MLPH: variants seen among roughly 807,000 people sequenced by gnomAD.
MLPH encodes exophilin-3.
MLPH carries 51 observed loss-of-function variants against 72.1 expected under a neutral mutation model. That is an observed-to-expected ratio of 0.71 (90% confidence interval 0.56 to 0.89). The LOEUF is 0.89. Among genes scored for constraint, MLPH ranks in the 40% least tolerant of loss-of-function variants. The probability of loss-of-function intolerance (pLI) is 0.00; values close to 1 mark genes in which losing one functional copy is unlikely to be tolerated. For synonymous variants in MLPH, 301 were observed against 310.1 expected, an observed-to-expected ratio of 0.97 and a Z score of 0.31; for missense variants, 743 against 759.9, an observed-to-expected ratio of 0.98 and a Z score of 0.26.
intron 9 of MLPH, among the ~76,000 whole-genome samples, chr2:237,540,060 C>T (rs565460353): frequency 6.6e-6 from 1 of 152,322 alleles, no homozygotes; most frequent in Non-Finnish European, 1.5e-5. Flanking sequence ...ACAAATGGCA[C>T]CCTTAAACAA....
chr2:237,513,149 T>C (rs535494056), intron 4 of MLPH, among the ~76,000 whole-genome samples: 4 of 152,194 alleles, frequency 2.6e-5, no homozygotes, highest in Admixed American at 6.5e-5. Context: ...GGTTAATGTT[T>C]TGAAACCTGA....
chr2:237,538,715 G>C (rs149557706), intron 9 of MLPH, among the ~76,000 whole-genome samples: 2 of 152,352 alleles, frequency 1.3e-5, no homozygotes, highest in East Asian at 3.9e-4. Flanking sequence ...CCCGTCTGCA[G>C]CTTCTCTGAA....
chr2:237,518,674 CTCAGCCACCTCGAT>C, intron 5 of MLPH, 26 bp downstream of exon 5: 1 of 1,561,860 alleles, frequency 6.4e-7, no homozygotes, highest in South Asian at 1.1e-5. Flanking sequence ...CCACCCCCTC[CTCAGCCACCTCGAT>C]TCCATCCCGC....
At chr2:237,501,805 G>T (rs193158755) in intron 2 of MLPH, among the ~76,000 whole-genome samples, 1 of 151,514 alleles carries the variant, frequency 6.6e-6, no homozygotes, top group Non-Finnish European at 1.5e-5. Flanking sequence ...CTGAGATCGC[G>T]CCACTGCACT....
chr2:237,501,674 AAAAAAAAAAAAAAAATAC>A (rs2079652337), intron 2 of MLPH, among the ~76,000 whole-genome samples: 1 of 131,566 alleles, frequency 7.6e-6, no homozygotes, highest in Non-Finnish European at 1.5e-5. Flanking sequence ...TAAAAAAAAA[AAAAAAAAAAAAAAAATAC>A]AAAAAAATTA....
chr2:237,515,344 G>A (rs2106306272), intron 4 of MLPH, among the ~76,000 whole-genome samples: 1 of 152,246 alleles, frequency 6.6e-6, no homozygotes, highest in East Asian at 1.9e-4. Context: ...CTGTCCTGAG[G>A]GTAGTGCTGT....
chr2:237,538,514 A>G (rs1305744924), intron 9 of MLPH, among the ~76,000 whole-genome samples: 1 of 152,192 alleles, frequency 6.6e-6, no homozygotes, highest in Non-Finnish European at 1.5e-5. Flanking sequence ...CCCTCGAAGA[A>G]TCGGCAGCAG....
At chr2:237,535,332 A>G (rs886540506) in intron 9 of MLPH, among the ~76,000 whole-genome samples, 1 of 152,076 alleles carries the variant, frequency 6.6e-6, no homozygotes, top group Non-Finnish European at 1.5e-5. Flanking sequence ...TCACGACCTA[A>G]TCACCTCTTG....
In MLPH at chr2:237,506,312, G is replaced by A. The variant is rs77344878; in HGVS notation, c.111-4262G>A. Among the ~76,000 whole-genome samples, 102 of 152,338 alleles carry A rather than the reference G, an allele frequency of 6.7e-4. 1 individual carries two copies. In the East Asian group the frequency reaches 0.019, roughly 29 times the overall value. On this transcript the variant is annotated intron_variant, in intron 2 of 15. Coordinates refer to ENST00000264605, the MANE Select transcript of MLPH (RefSeq NM_024101.7). ...TGAGATTTTCCCAAAATCAGAGTGT[G>A]AGTAAGGTGAGTGGTGTTGTTCTGC...
At chr2:237,514,761 T>C (rs1057436299) in intron 4 of MLPH, among the ~76,000 whole-genome samples, 1 of 152,254 alleles carries the variant, frequency 6.6e-6, no homozygotes, top group African/African-American at 2.4e-5. Flanking sequence ...TTGACAGCTT[T>C]TATCTTTAAG....
chr2:237,552,474 G>C, intron 15 of MLPH, 37 bp downstream of exon 15: 1 of 1,539,996 alleles, frequency 6.5e-7, no homozygotes, highest in Admixed American at 1.7e-5. Flanking sequence ...AGTTTTTAAA[G>C]TTCAGTGACC....
intron 2 of MLPH, among the ~76,000 whole-genome samples, chr2:237,496,916 A>G (rs998811887): frequency 6.6e-6 from 1 of 152,216 alleles, no homozygotes; most frequent in African/African-American, 2.4e-5. Flanking sequence ...TCAGCAGGTG[A>G]CACATTTGGG....
At chr2:237,521,848 C>T (rs561849001) in intron 6 of MLPH, among the ~76,000 whole-genome samples, 3 of 140,460 alleles carry the variant, frequency 2.1e-5, no homozygotes, top group East Asian at 2.1e-4. Context: ...CAAACACCTG[C>T]TACAACTATA....
intron 4 of MLPH, among the ~76,000 whole-genome samples, chr2:237,517,781 G>A (rs1481235087): frequency 7.1e-6 from 1 of 141,714 alleles, no homozygotes; most frequent in Non-Finnish European, 1.6e-5. Flanking sequence ...AAATGGATGG[G>A]TGCATTGGTG....
chr2:237,501,664 TAA>T (rs58268748), intron 2 of MLPH, among the ~76,000 whole-genome samples: 5 of 63,548 alleles, frequency 7.9e-5, no homozygotes, highest in African/African-American at 1.1e-4. Flanking sequence ...ACGTCTCTAC[TAA>T]AAAAAAAAAA....
Position 237,518,625 on chromosome 2 carries a change from C to G in MLPH, c.532C>G (p.Gln178Glu), listed in dbSNP as rs939499051. ...DGEPGSEAQA[Q>E]AQPFGSKKKR... ...AGAACCTGGCTCAGAGGCCCAGGCC[C>G]AGGCCCAGCCCTTTGGCAGCAAAGT... is the stretch of plus-strand genomic sequence containing the variant. The change falls in exon 5 of 16, where the codon CAG (glutamine) becomes GAG (glutamate). Residue 178 changes from glutamine (Q) to glutamate (E), a missense_variant. Coordinates refer to ENST00000264605, the MANE Select transcript of MLPH (RefSeq NM_024101.7). The G allele has an allele frequency of 8.7e-6, 14 of 1,613,220 alleles. No homozygotes were observed. The highest frequency in any genetic ancestry group is 1.3e-5 in the African/African-American group (1 of 74,884).
At chr2:237,545,220 G>A (rs1271763222) in intron 12 of MLPH, among the ~76,000 whole-genome samples, 1 of 145,054 alleles carries the variant, frequency 6.9e-6, no homozygotes, top group Non-Finnish European at 1.5e-5. Flanking sequence ...GGTGAGTGGG[G>A]ACAGTGGTGA....
At chr2:237,511,267 C>CTTTTT in intron 4 of MLPH, 166 bp downstream of exon 4, 1 of 478,104 alleles carries the variant, frequency 2.1e-6, no homozygotes, top group Non-Finnish European at 3.7e-6. Flanking sequence ...CTTCTGGCTG[C>CTTTTT]TTTTTTTTTT....
chr2:237,524,206 G>A (rs1042734438), intron 6 of MLPH, among the ~76,000 whole-genome samples: 12 of 151,288 alleles, frequency 7.9e-5, no homozygotes, highest in Middle Eastern at 6.8e-3. Flanking sequence ...GTAAGGTGTC[G>A]GTTACTAGGG....
Sources: allele counts gnomAD v4.1 joint callset (sites outside exome capture counted in the v4.1 genomes callset), GRCh38; gene constraint gnomAD v4.1.1; transcripts MANE v1.5; gene names NCBI Gene and HGNC (gene_info 2026-07-23, HGNC 2026-07-21).